UGP2: variants seen among roughly 807,000 people sequenced by gnomAD.
UGP2 encodes UDP-glucose pyrophosphorylase 2.
In UGP2, 40 loss-of-function variants were observed where a neutral mutation model predicts 49.0. That is an observed-to-expected ratio of 0.82 (90% CI 0.63 to 1.06). The LOEUF (loss-of-function observed/expected upper bound fraction) is 1.06. Ranked by LOEUF, UGP2 falls within the 50% of genes least tolerant of loss-of-function variation. UGP2 has a pLI of 0.00. For synonymous variants in UGP2, 225 were observed against 213.0 expected, an observed-to-expected ratio of 1.06 and a Z score of -0.49; for missense variants, 460 against 603.5, an observed-to-expected ratio of 0.76 and a Z score of 2.49.
chr2:63,857,109 G>C (rs1669495022), intron 2 of UGP2, among the ~76,000 whole-genome samples: 1 of 152,048 alleles, frequency 6.6e-6, no homozygotes, highest in Non-Finnish European at 1.5e-5. Flanking sequence ...AGACTGGCCT[G>C]GGCAACATGG....
intron 3 of UGP2, among the ~76,000 whole-genome samples, chr2:63,860,253 T>C (rs931942725): frequency 1.3e-5 from 2 of 152,146 alleles, no homozygotes; most frequent in African/African-American, 4.8e-5. Flanking sequence ...GACATAAACA[T>C]TGTCATACCA....
chr2:63,842,719 T>A, intron 1 of UGP2: 1 of 955,652 alleles, frequency 1.0e-6, no homozygotes, highest in Non-Finnish European at 1.4e-6. Context: ...CCGAAGAAGC[T>A]GGAGGTCATT....
chr2:63,856,913 A>G (rs1575812974), intron 2 of UGP2: 1 of 429,826 alleles, frequency 2.3e-6, no homozygotes. Flanking sequence ...ATTTCAATTT[A>G]TACTTAATGT....
chr2:63,859,725 C>CT, intron 3 of UGP2, among the ~76,000 whole-genome samples: 1 of 152,268 alleles, frequency 6.6e-6, no homozygotes, highest in Admixed American at 6.5e-5. Context: ...TTTATGCCGT[C>CT]TTTTTCTGTT....
intron 1 of UGP2, among the ~76,000 whole-genome samples, chr2:63,852,054 A>G (rs79754592): frequency 0.012 from 1,862 of 152,320 alleles, 17 homozygotes; most frequent in Non-Finnish European, 0.014. Context: ...CTTACTGGCC[A>G]GAATCATATT....
chr2:63,882,421 C>T, intron 3 of UGP2, 45 bp from the exon 4 acceptor site: 3 of 1,449,016 alleles, frequency 2.1e-6, no homozygotes, highest in Admixed American at 2.0e-5. Flanking sequence ...TTTAACGTCC[C>T]TTAAAGCTGT....
At chr2:63,871,115 T>C (rs1670520204) in intron 3 of UGP2, among the ~76,000 whole-genome samples, 1 of 152,220 alleles carries the variant, frequency 6.6e-6, no homozygotes, top group African/African-American at 2.4e-5. Flanking sequence ...GTTAAGTATA[T>C]TTTTATTATT....
At chr2:63,847,183 A>G (rs1271700594) in intron 1 of UGP2, among the ~76,000 whole-genome samples, 1 of 152,242 alleles carries the variant, frequency 6.6e-6, no homozygotes, top group Non-Finnish European at 1.5e-5. Flanking sequence ...TGGGAGTGCC[A>G]TTTTAATATT....
intron 3 of UGP2, among the ~76,000 whole-genome samples, chr2:63,878,485 T>C (rs1161322319): frequency 5.3e-5 from 8 of 152,262 alleles, no homozygotes; most frequent in African/African-American, 1.4e-4. Context: ...TCTCCATGAC[T>C]AAGTACAGGA....
intron 3 of UGP2, among the ~76,000 whole-genome samples, chr2:63,874,035 C>T (rs1370125316): frequency 6.6e-6 from 1 of 152,174 alleles, no homozygotes. Context: ...ACAGAGACTT[C>T]CTGGAAATCT....
intron 3 of UGP2, among the ~76,000 whole-genome samples, chr2:63,860,870 T>C (rs907597380): frequency 6.6e-6 from 1 of 151,240 alleles, no homozygotes; most frequent in Non-Finnish European, 1.5e-5. Context: ...ACTTTTTAGA[T>C]AAAAATAGTT....
intron 4 of UGP2, chr2:63,883,445 C>T (rs774307484): frequency 6.6e-6 from 1 of 152,454 alleles, no homozygotes; most frequent in Admixed American, 6.5e-5. Context: ...CGTAGCTCTT[C>T]TGAGGTTGAA....
At chr2:63,884,453 C>T (rs1261081866) in intron 5 of UGP2, among the ~76,000 whole-genome samples, 1 of 152,130 alleles carries the variant, frequency 6.6e-6, no homozygotes, top group Non-Finnish European at 1.5e-5. Context: ...TTCTTCAACA[C>T]CTTTTATGGG....
At chr2:63,885,384 A>G (rs939091901) in intron 5 of UGP2, among the ~76,000 whole-genome samples, 5 of 152,182 alleles carry the variant, frequency 3.3e-5, no homozygotes, top group Admixed American at 1.3e-4. Context: ...ATGTTTTTGC[A>G]GCAGCTATCA....
At chr2:63,874,421 G>C (rs1271685834) in intron 3 of UGP2, among the ~76,000 whole-genome samples, 1 of 152,196 alleles carries the variant, frequency 6.6e-6, no homozygotes, top group African/African-American at 2.4e-5. Context: ...TGTCTTAGCA[G>C]CCGAGTATGT....
intron 1 of UGP2, among the ~76,000 whole-genome samples, chr2:63,851,697 T>C (rs889485341): frequency 2.6e-5 from 4 of 152,232 alleles, no homozygotes; most frequent in Non-Finnish European, 5.9e-5. Context: ...AACAATCTTA[T>C]AGTTAGGATG....
At position 63,891,159 on chromosome 2, in the gene UGP2, G is replaced by A. The variant is rs1411934925; in HGVS notation, c.1459G>A (p.Asp487Asn). 1 of 1,613,500 alleles carries A rather than the reference G, an allele frequency of 6.2e-7. No homozygotes were observed. Among genetic ancestry groups the A allele is most frequent in the African/African-American group, 1.3e-5 (1 of 74,868 alleles). ...CATTGCAAATCATGGTGACAGAATTGATATCCCACCTGGAGCAGTATTAGA... is the reference window on the plus strand; with the variant it reads ...CATTGCAAATCATGGTGACAGAATTAATATCCCACCTGGAGCAGTATTAGA... Reference protein sequence around the residue: ...IIIANHGDRIDIPPGAVLENK... With the variant: ...IIIANHGDRINIPPGAVLENK... Residue 487 changes from aspartate to asparagine, a missense_variant, in exon 10 of 10, where the codon GAT (aspartate) becomes AAT (asparagine). Around this residue, in one of 2 missense-constraint regions of UGP2, gnomAD observed 317 missense variants for 473.0 expected, o/e 0.67. Coordinates refer to ENST00000337130, the MANE Select transcript of UGP2 (RefSeq NM_006759.4).
chr2:63,882,298 T>G (rs1671371507), intron 3 of UGP2, among the ~76,000 whole-genome samples, 168 bp from the exon 4 acceptor site: 1 of 152,226 alleles, frequency 6.6e-6, no homozygotes, highest in Non-Finnish European at 1.5e-5. Flanking sequence ...CCTGTTAAAG[T>G]ACTTGATTTT....
intron 9 of UGP2, among the ~76,000 whole-genome samples, chr2:63,890,506 C>G (rs2287361): frequency 6.5e-4 from 99 of 151,994 alleles, no homozygotes; most frequent in Non-Finnish European, 1.3e-3. Flanking sequence ...TCCAGCCTCA[C>G]GTAAGAAATA....
Sources: gnomAD v4.1 joint callset for allele counts (sites outside exome capture counted in the v4.1 genomes callset) on GRCh38, gnomAD v4.1.1 for gene constraint, gnomAD v4.1.1 regional missense constraint, MANE v1.5 for transcripts, NCBI Gene and HGNC (gene_info 2026-07-23, HGNC 2026-07-21) for gene names.